TAF4: variants seen among roughly 807,000 people sequenced by gnomAD.
The protein encoded by TAF4 is transcription initiation factor TFIID subunit 4.
Under a neutral mutation model 90.3 loss-of-function variants are expected in TAF4, and 9 were observed. The observed-to-expected ratio is 0.10, with a 90% CI of 0.06 to 0.17. The LOEUF (loss-of-function observed/expected upper bound fraction) is 0.17. TAF4 is among the 10% of genes least tolerant of loss of function. TAF4 has a pLI of 1.00. For missense variants in TAF4, 1,351 were observed against 1,370.7 expected (o/e 0.99, Z 0.23); for synonymous variants, 818 against 638.9 (o/e 1.28, Z -4.23).
intron 1 of TAF4, among the ~76,000 whole-genome samples, chr20:62,054,805 T>A (rs1028719059): frequency 6.6e-6 from 1 of 152,064 alleles, no homozygotes; most frequent in African/African-American, 2.4e-5. Flanking sequence ...AACACCGTCA[T>A]GGCCATCAGA....
intron 1 of TAF4, among the ~76,000 whole-genome samples, chr20:62,047,780 G>A (rs781224113): frequency 6.6e-6 from 1 of 152,212 alleles, no homozygotes; most frequent in Non-Finnish European, 1.5e-5. Flanking sequence ...GTCGCCCCTG[G>A]CTCCCATCAC....
Position 62,065,255 on chromosome 20 carries a change from G to A in TAF4, c.556C>T (p.Pro186Ser), listed in dbSNP as rs1600870523. 1.2e-4 allele frequency: 1 copy of A among 8,208 alleles called. No individual in the cohort carries two copies. The highest frequency in any genetic ancestry group is 1.7e-4 in the Non-Finnish European group (1 of 5,988). 0.5% of individuals were successfully genotyped at this position (8,208 alleles called of 1,614,324 possible). Reference protein sequence around the residue: ...PGPGPGPGPGPGKPAGPGAAQ... With the variant: ...PGPGPGPGPGSGKPAGPGAAQ... Reference sequence around the variant, plus strand: ...GCGCCGGGGCCGGCGGGCTTGCCAGGGCCAGGGCCGGGGCCGGGGCCGGGG... The same window carrying A: ...GCGCCGGGGCCGGCGGGCTTGCCAGAGCCAGGGCCGGGGCCGGGGCCGGGG... Residue 186 changes from proline to serine, a missense_variant, in exon 1 of 15, where the codon CCT (proline) becomes TCT (serine). Coordinates refer to ENST00000252996, the MANE Select transcript of TAF4 (RefSeq NM_003185.4).
chr20:61,980,374 G>A (rs1421338203), intron 14 of TAF4: 1 of 152,262 alleles, frequency 6.6e-6, no homozygotes, highest in Non-Finnish European at 1.5e-5. Context: ...GGAGCCCCTT[G>A]GTCCGTCCTT....
intron 1 of TAF4, among the ~76,000 whole-genome samples, chr20:62,057,656 A>G (rs112560167): frequency 8.4e-5 from 6 of 71,780 alleles, no homozygotes; most frequent in Non-Finnish European, 8.4e-5. Flanking sequence ...GCCACAGACA[A>G]TGGGGCTCGG....
chr20:62,028,766 G>A (rs528218569), intron 1 of TAF4, among the ~76,000 whole-genome samples: 9 of 152,142 alleles, frequency 5.9e-5, no homozygotes, highest in African/African-American at 9.7e-5. Context: ...TCTCCTTCCC[G>A]ACAGTGAGCT....
chr20:62,025,533 C>T (rs1600849749), intron 1 of TAF4, among the ~76,000 whole-genome samples: 1 of 152,138 alleles, frequency 6.6e-6, no homozygotes, highest in Non-Finnish European at 1.5e-5. Context: ...TTCCCCCAGG[C>T]GGTTCTCATG....
chr20:62,032,726 C>A (rs1240717470), intron 1 of TAF4, among the ~76,000 whole-genome samples: 1 of 152,238 alleles, frequency 6.6e-6, no homozygotes, highest in Admixed American at 6.5e-5. Context: ...CAGAACCCAA[C>A]TTTCAGACAA....
At chr20:61,988,702 C>T (rs2055611643) in intron 14 of TAF4, among the ~76,000 whole-genome samples, 1 of 152,102 alleles carries the variant, frequency 6.6e-6, no homozygotes, top group Admixed American at 6.5e-5. Context: ...TCACAAAAGG[C>T]AAGCGAAACA....
chr20:62,062,157 T>C (rs146949967), intron 1 of TAF4, among the ~76,000 whole-genome samples: 37 of 152,368 alleles, frequency 2.4e-4, no homozygotes, highest in African/African-American at 8.2e-4. Context: ...TGAGTTGTAA[T>C]GAGAATGAGT....
At chr20:62,029,997 C>T (rs1201681715) in intron 1 of TAF4, among the ~76,000 whole-genome samples, 1 of 152,202 alleles carries the variant, frequency 6.6e-6, no homozygotes, top group Non-Finnish European at 1.5e-5. Flanking sequence ...CAGTGCGCCG[C>T]AGGGGCATGG....
chr20:62,010,511 C>T lies in TAF4; in HGVS notation c.1642-346G>A, dbSNP rs879831409. Among the ~76,000 whole-genome samples, 2 of 152,086 alleles carry T rather than the reference C, an allele frequency of 1.3e-5. No homozygotes were observed. The highest frequency in any genetic ancestry group is 2.9e-5 in the Non-Finnish European group (2 of 68,030). On this transcript the variant is annotated intron_variant, in intron 3 of 14. Transcript: ENST00000252996. This position sits in a 1 kb window ranked among gnomAD's most constrained non-coding sequence, Gnocchi z 4.5. ...GAGTAAATAATCCTAACAGGCAACC[C>T]AGATCCCCATCTCTCAGAAATCAAA...
intron 1 of TAF4, among the ~76,000 whole-genome samples, chr20:62,039,296 C>A (rs2145500985): frequency 6.6e-6 from 1 of 152,310 alleles, no homozygotes; most frequent in South Asian, 2.1e-4. Flanking sequence ...GACGTCCTCA[C>A]ACGTGGCCGA....
chr20:62,055,002 G>C (rs991637824), intron 1 of TAF4, among the ~76,000 whole-genome samples: 1 of 151,900 alleles, frequency 6.6e-6, no homozygotes, highest in Admixed American at 6.5e-5. Context: ...ATCTGCCCCA[G>C]GCCCCTGCCA....
At chr20:61,990,142 G>C (rs1345421675) in intron 14 of TAF4, among the ~76,000 whole-genome samples, 3 of 152,162 alleles carry the variant, frequency 2.0e-5, no homozygotes, top group Non-Finnish European at 4.4e-5. Context: ...GGTATCAGCC[G>C]CACGAGCATT....
intron 5 of TAF4, chr20:62,007,878 C>CT (rs1555875321): frequency 4.8e-6 from 2 of 417,404 alleles, no homozygotes; most frequent in Non-Finnish European, 8.6e-6. Context: ...CACCTGTCTA[C>CT]TTCTCGTCTT....
At chr20:61,991,941 T>C (rs1465371105) in intron 14 of TAF4, among the ~76,000 whole-genome samples, 1 of 151,962 alleles carries the variant, frequency 6.6e-6, no homozygotes, top group Non-Finnish European at 1.5e-5. Flanking sequence ...ATTTGGACAG[T>C]AACACTTTAG....
intron 1 of TAF4, among the ~76,000 whole-genome samples, chr20:62,049,423 G>T (rs555982335): frequency 2.0e-4 from 31 of 152,104 alleles, no homozygotes; most frequent in Non-Finnish European, 3.1e-4. Context: ...AGTGACCACC[G>T]CCCTCTTTCT....
At chr20:62,008,934 T>C in intron 5 of TAF4, 118 bp downstream of exon 5, 1 of 1,386,804 alleles carries the variant, frequency 7.2e-7, no homozygotes, top group Non-Finnish European at 9.6e-7. Context: ...CCTGCAGCCT[T>C]CCAGAGGAGC....
chr20:61,989,329 G>T (rs1169350450), intron 14 of TAF4, among the ~76,000 whole-genome samples: 1 of 152,276 alleles, frequency 6.6e-6, no homozygotes, highest in Non-Finnish European at 1.5e-5. Context: ...AGTGGGCAGG[G>T]AAAGTGCACG....
Sources: allele counts gnomAD v4.1 joint callset (sites outside exome capture counted in the v4.1 genomes callset), GRCh38; gene constraint gnomAD v4.1.1; non-coding constraint Gnocchi (gnomAD v3.1); transcripts MANE v1.5; gene names NCBI Gene and HGNC (gene_info 2026-07-23, HGNC 2026-07-21).